Variants in DYRK1A observed in about 807,000 individuals in gnomAD.
DYRK1A encodes the protein dual specificity tyrosine-phosphorylation-regulated kinase 1A.
In DYRK1A, 9 loss-of-function variants were observed where a neutral mutation model predicts 79.7. The ratio of observed to expected loss-of-function variants is 0.11; its 90% CI spans 0.07 to 0.20. DYRK1A has a LOEUF of 0.20. DYRK1A is among the 10% of genes least tolerant of loss of function. DYRK1A has a pLI of 1.00. For missense variants in DYRK1A, 622 were observed against 956.0 expected (o/e 0.65, Z 4.61); for synonymous variants, 349 against 329.7 (o/e 1.06, Z -0.63).
At chr21:37,391,576 T>G (rs2049870720) in intron 1 of DYRK1A, among the ~76,000 whole-genome samples, 1 of 152,198 alleles carries the variant, frequency 6.6e-6, no homozygotes, top group African/African-American at 2.4e-5. Flanking sequence ...ATTTTTGCCT[T>G]TTATTATTTT....
At chr21:37,434,674 T>C (rs2050873257) in intron 2 of DYRK1A, among the ~76,000 whole-genome samples, 1 of 152,230 alleles carries the variant, frequency 6.6e-6, no homozygotes, top group Non-Finnish European at 1.5e-5. Flanking sequence ...TTAAGCTCTA[T>C]AGGTTAATAC....
At position 37,492,998 on chromosome 21, in the gene DYRK1A, A is replaced by G. The variant is rs78428152; in HGVS notation, c.925-19A>G. ...AGTTTTAAGCAATTGAAGTAATACT[A>G]TTTTGAAATATATTTCAGATATACC... On this transcript the variant is annotated intron_variant, in intron 7 of 11. Transcript: ENST00000647188. 2.4e-4 allele frequency: 383 copies of G among 1,570,450 alleles called. No homozygotes were observed. The African/African-American group carries it at 4.6e-3, about 19-fold the overall frequency.
rs537331704 is a variant in DYRK1A at position 37,486,638 on chromosome 21, A to G, written c.637+24A>G. The G allele has an allele frequency of 2.8e-5, 41 of 1,487,298 alleles. No homozygotes were observed. In the South Asian group the frequency reaches 5.2e-4, roughly 19 times the overall value. The allele number at this position is 1,487,298 out of a possible 1,614,324, so 92.1% of individuals were successfully genotyped here. On this transcript the variant is annotated intron_variant, in intron 6 of 11. Transcript: ENST00000647188. The stretch of plus-strand genomic sequence containing the variant: ...AGGTAAACAAACAGGCAAACAGCGC[A>G]GTGTGCCCCAACCCACACCAAAACT...
intron 4 of DYRK1A, 131 bp downstream of exon 4, chr21:37,478,431 T>C: frequency 1.5e-6 from 1 of 653,460 alleles, no homozygotes; most frequent in Admixed American, 3.5e-5. Context: ...TGAAGACTAA[T>C]GATTTAGAAA....
chr21:37,508,564 G>A (rs1022025157), intron 11 of DYRK1A, among the ~76,000 whole-genome samples: 1 of 152,180 alleles, frequency 6.6e-6, no homozygotes, highest in African/African-American at 2.4e-5. Context: ...GGGGATTACA[G>A]GCATGAGCCA....
chr21:37,438,929 G>A (rs9974990), intron 2 of DYRK1A, among the ~76,000 whole-genome samples: 76,357 of 150,210 alleles, frequency 0.51, 19,288 homozygotes, highest in Middle Eastern at 0.55. Flanking sequence ...TACTTTAACT[G>A]TATTGATTTT....
intron 1 of DYRK1A, among the ~76,000 whole-genome samples, chr21:37,382,645 C>T (rs1305530493): frequency 6.6e-6 from 1 of 152,100 alleles, no homozygotes; most frequent in African/African-American, 2.4e-5. Context: ...TGAGTTTCTC[C>T]TCTTAAAAAG....
At chr21:37,380,899 C>T (rs188039953) in intron 1 of DYRK1A, among the ~76,000 whole-genome samples, 106 of 152,304 alleles carry the variant, frequency 7.0e-4, no homozygotes, top group African/African-American at 2.2e-3. Flanking sequence ...CTAGTCTTTG[C>T]ATATGCTGCT....
intron 1 of DYRK1A, among the ~76,000 whole-genome samples, chr21:37,396,970 T>G (rs888830373): frequency 6.6e-6 from 1 of 152,168 alleles, no homozygotes; most frequent in African/African-American, 2.4e-5. Context: ...CATGCATTTT[T>G]TTCCGTCTTG....
chr21:37,517,162 G>A lies in DYRK1A; in HGVS notation c.*4631G>A, dbSNP rs902220363. The A allele has an allele frequency of 6.6e-6, 1 of 152,244 alleles. No individual in the cohort carries two copies. Among genetic ancestry groups the A allele is most frequent in the African/African-American group, 2.4e-5 (1 of 41,466 alleles). The allele number at this position is 152,244 out of a possible 1,614,324, so 9.4% of individuals were successfully genotyped here. ...GGTTCAGTCCCAGCTGGGTCCTGAA[G>A]GAGCACAGTACTAGAGCCTGAGTCA... On this transcript the variant is annotated 3_prime_UTR_variant, in exon 12 of 12. Transcript: ENST00000647188.
chr21:37,518,536 C>A lies in DYRK1A; in HGVS notation c.*6005C>A, dbSNP rs1355463939. On this transcript the variant is annotated 3_prime_UTR_variant, in exon 12 of 12. Coordinates refer to ENST00000647188, the MANE Select transcript of DYRK1A (RefSeq NM_001347721.2). Reference sequence around the variant, plus strand: ...GCTCTGTTTTCTGAAACTTTGCGGGCCATTCTGAACCTGCAGCCAGGCAGG... The same window carrying A: ...GCTCTGTTTTCTGAAACTTTGCGGGACATTCTGAACCTGCAGCCAGGCAGG... 2 of 151,910 alleles carry A rather than the reference C, an allele frequency of 1.3e-5. No individual in the cohort carries two copies. The highest frequency in any genetic ancestry group is 4.8e-5 in the African/African-American group (2 of 41,316). The allele number at this position is 151,910 out of a possible 1,614,324, so 9.4% of individuals were successfully genotyped here. A position where few individuals can be genotyped will look rare whatever the true frequency, so the allele number is the denominator to read the frequency against.
At chr21:37,486,056 G>T (rs2148599347) in intron 5 of DYRK1A, 1 of 152,096 alleles carries the variant, frequency 6.6e-6, no homozygotes, top group East Asian at 1.9e-4. Flanking sequence ...ATATTCTTAG[G>T]GTTCAGGTAT....
chr21:37,393,056 G>A (rs1325908150), intron 1 of DYRK1A, among the ~76,000 whole-genome samples: 1 of 152,240 alleles, frequency 6.6e-6, no homozygotes, highest in Admixed American at 6.5e-5. Context: ...TCATCTCCCA[G>A]CACTGTTATG....
chr21:37,407,911 A>T (rs1265891262), intron 1 of DYRK1A, among the ~76,000 whole-genome samples: 1 of 152,192 alleles, frequency 6.6e-6, no homozygotes, highest in East Asian at 1.9e-4. Flanking sequence ...TCGATCACTC[A>T]AAACTAGCTG....
In DYRK1A at chr21:37,463,203, CGTGTGTGTGTGT is replaced by C. The variant is rs6147501; in HGVS notation, c.11-9462_11-9451del. On this transcript the variant is annotated intron_variant, in intron 2 of 11. Coordinates refer to ENST00000647188, the MANE Select transcript of DYRK1A (RefSeq NM_001347721.2). Reference sequence around the variant, plus strand: ...TGTGTGTGTGTGTTTAATGTTGGCACGTGTGTGTGTGTGTGTGTGTGTGTGTGTGTATCCTGT... The same window carrying C: ...TGTGTGTGTGTGTTTAATGTTGGCACGTGTGTGTGTGTGTGTGTATCCTGT... 4.4e-3 allele frequency among the ~76,000 whole-genome samples: 635 copies of C among 145,356 alleles called. 1 individual carries two copies. Among genetic ancestry groups the C allele is most frequent in the Middle Eastern group, 0.031 (9 of 288 alleles).
chr21:37,382,892 T>C (rs1028144523), intron 1 of DYRK1A, among the ~76,000 whole-genome samples: 5 of 152,210 alleles, frequency 3.3e-5, no homozygotes, highest in African/African-American at 9.7e-5. Context: ...ACTGAAGAAA[T>C]AGATAAAAGT....
intron 2 of DYRK1A, among the ~76,000 whole-genome samples, chr21:37,451,431 C>T (rs936502111): frequency 2.0e-5 from 3 of 148,664 alleles, no homozygotes. Flanking sequence ...TGTAAACGCC[C>T]ACACAAGTGA....
chr21:37,467,184 A>T (rs891860863), intron 2 of DYRK1A, among the ~76,000 whole-genome samples: 3 of 152,018 alleles, frequency 2.0e-5, no homozygotes, highest in Non-Finnish European at 2.9e-5. Context: ...TTCACCAGTG[A>T]ATCTACCACA....
At chr21:37,507,788 T>C (rs548477604) in intron 11 of DYRK1A, among the ~76,000 whole-genome samples, 1 of 152,070 alleles carries the variant, frequency 6.6e-6, no homozygotes, top group East Asian at 1.9e-4. Flanking sequence ...GCTTAATGTT[T>C]CCTGGATGAT....
Sources: allele counts gnomAD v4.1 joint callset (sites outside exome capture counted in the v4.1 genomes callset), GRCh38; gene constraint gnomAD v4.1.1; transcripts MANE v1.5; gene names NCBI Gene and HGNC (gene_info 2026-07-23, HGNC 2026-07-21).